CNTNAP4: variants seen among roughly 807,000 people sequenced by gnomAD.
The protein encoded by CNTNAP4 is contactin associated protein family member 4, also known as contactin-associated protein-like 4.
CNTNAP4 carries 98 observed loss-of-function variants against 148.4 expected under a neutral mutation model. The ratio of observed to expected loss-of-function variants is 0.66; its 90% CI spans 0.56 to 0.78. The LOEUF is 0.78. Among genes scored for constraint, CNTNAP4 ranks in the 30% least tolerant of loss-of-function variants. CNTNAP4 has a pLI of 0.00. For synonymous variants in CNTNAP4, 730 were observed against 565.1 expected (o/e 1.29, Z -4.14); for missense variants, 1,935 against 1,565.6 (o/e 1.24, Z -3.98).
intron 21 of CNTNAP4, among the ~76,000 whole-genome samples, chr16:76,553,001 C>T (rs1156868647): frequency 3.3e-5 from 5 of 152,172 alleles, no homozygotes; most frequent in African/African-American, 1.2e-4. Flanking sequence ...TCATGACACC[C>T]TCATCACTTC....
intron 21 of CNTNAP4, among the ~76,000 whole-genome samples, chr16:76,542,098 C>G (rs1236606207): frequency 2.6e-5 from 4 of 152,170 alleles, no homozygotes; most frequent in African/African-American, 9.7e-5. Flanking sequence ...CGTGTGCACT[C>G]TTAAGTCTGT....
At chr16:76,290,402 CTTCCTCTTTT>C (rs993054528) in intron 1 of CNTNAP4, among the ~76,000 whole-genome samples, 5 of 152,102 alleles carry the variant, frequency 3.3e-5, no homozygotes, top group Non-Finnish European at 7.3e-5. Flanking sequence ...ATGCTCATTC[CTTCCTCTTTT>C]TTCCAAGGAT....
At chr16:76,524,382 C>A (rs1194182644) in intron 17 of CNTNAP4, among the ~76,000 whole-genome samples, 1 of 152,130 alleles carries the variant, frequency 6.6e-6, no homozygotes, top group African/African-American at 2.4e-5. Flanking sequence ...AAAGGTATGG[C>A]AATTTAAAAT....
At chr16:76,403,572 A>G (rs1290000215) in intron 3 of CNTNAP4, among the ~76,000 whole-genome samples, 1 of 152,222 alleles carries the variant, frequency 6.6e-6, no homozygotes, top group African/African-American at 2.4e-5. Context: ...TTGCAGAGAA[A>G]AGGGAACACT....
At chr16:76,535,271 A>G (rs191459754) in intron 17 of CNTNAP4, among the ~76,000 whole-genome samples, 40 of 152,354 alleles carry the variant, frequency 2.6e-4, no homozygotes, top group African/African-American at 5.3e-4. Flanking sequence ...GTTATTTTCA[A>G]TGAGAGTAGT....
At position 76,395,927 on chromosome 16, in the gene CNTNAP4, C is replaced by G. The variant is rs965375131; in HGVS notation, c.391-31525C>G. Among the ~76,000 whole-genome samples, 3 of 151,952 alleles carry G rather than the reference C, an allele frequency of 2.0e-5. No homozygotes were observed. In the East Asian group the frequency reaches 5.8e-4, roughly 30 times the overall value. ...TATTTTTAGTAGAGATGGGGTTTCA[C>G]CATGTTTGGCAGGCTGGTCTCAAAC... On this transcript the variant is annotated intron_variant, in intron 3 of 23. Transcript: ENST00000611870.
rs181897437 is a variant in CNTNAP4 at position 76,449,040 on chromosome 16, C to T, written c.927+89C>T. The stretch of plus-strand genomic sequence containing the variant: ...GGAAAATACACTATAAAGAGCCCAC[C>T]TTTTCAGTAAATCATAGAACAGGTG... On this transcript the variant is annotated intron_variant, in intron 6 of 23. Coordinates refer to ENST00000611870, the MANE Select transcript of CNTNAP4 (RefSeq NM_033401.5). 1,605 of 1,218,794 alleles carry T rather than the reference C, an allele frequency of 1.3e-3. 36 individuals carry two copies. The Admixed American group carries it at 0.028, about 21-fold the overall frequency. 75.5% of individuals were successfully genotyped at this position (1,218,794 alleles called of 1,614,324 possible). A position where few individuals can be genotyped will look rare whatever the true frequency, so the allele number is the denominator to read the frequency against.
At chr16:76,499,035 A>C (rs1021651509) in intron 15 of CNTNAP4, among the ~76,000 whole-genome samples, 1 of 151,290 alleles carries the variant, frequency 6.6e-6, no homozygotes, top group Non-Finnish European at 1.5e-5. Context: ...AAATGGTAAA[A>C]ATTTCAAATT....
Position 76,413,023 on chromosome 16 carries a change from G to A in CNTNAP4, c.391-14429G>A, listed in dbSNP as rs138661389. 3.5e-3 allele frequency among the ~76,000 whole-genome samples: 537 copies of A among 151,442 alleles called. 1 individual carries two copies. Among genetic ancestry groups the A allele is most frequent in the Middle Eastern group, 0.02 (6 of 294 alleles). ...TTAATTTTTTATGGGTATGTGAAAT[G>A]TTTTGATACATGCATGCAGTGTGAA... On this transcript the variant is annotated intron_variant, in intron 3 of 23. Coordinates refer to ENST00000611870, the MANE Select transcript of CNTNAP4 (RefSeq NM_033401.5).
At position 76,504,026 on chromosome 16, in the gene CNTNAP4, A is replaced by G. The variant is rs573326878; in HGVS notation, c.2365+5332A>G. Among the ~76,000 whole-genome samples the G allele has an allele frequency of 4.3e-3, 655 of 152,220 alleles. 3 individuals carry two copies. Among genetic ancestry groups the G allele is most frequent in the African/African-American group, 0.013 (526 of 41,588 alleles). On this transcript the variant is annotated intron_variant, in intron 15 of 23. Transcript: ENST00000611870. The stretch of plus-strand genomic sequence containing the variant: ...ATGTCAATTTTTCCCAAATTTATAT[A>G]TAGACTGAAAACTATCCCAATTAAA...
chr16:76,432,039 T>G (rs1345036107), intron 4 of CNTNAP4, among the ~76,000 whole-genome samples: 1 of 152,200 alleles, frequency 6.6e-6, no homozygotes, highest in Admixed American at 6.5e-5. Flanking sequence ...TCATAAAGTA[T>G]TCTACTTATT....
Position 76,492,244 on chromosome 16 carries a change from C to T in CNTNAP4, c.2080+2361C>T, listed in dbSNP as rs185798903. Among the ~76,000 whole-genome samples the T allele has an allele frequency of 2.0e-5, 3 of 152,082 alleles. No homozygotes were observed. In the East Asian group the frequency reaches 5.8e-4, roughly 29 times the overall value. On this transcript the variant is annotated intron_variant, in intron 13 of 23. Coordinates refer to ENST00000611870, the MANE Select transcript of CNTNAP4 (RefSeq NM_033401.5). ...TATACTTGAAATCTGCTAAGAGAGT[C>T]GATTTTGGTATTCTCACCATAAAAA...
intron 2 of CNTNAP4, among the ~76,000 whole-genome samples, chr16:76,317,072 C>T (rs546365064): frequency 2.6e-5 from 4 of 151,400 alleles, no homozygotes; most frequent in South Asian, 4.2e-4. Context: ...TCAAGACCAG[C>T]CTGGGCAACA....
At position 76,296,298 on chromosome 16, in the gene CNTNAP4, CTTCCATTCAAA is replaced by C. The variant is rs1304957584; in HGVS notation, c.85+18553_85+18563del. Among the ~76,000 whole-genome samples the C allele has an allele frequency of 4.6e-5, 7 of 152,126 alleles. 1 individual carries two copies. The highest frequency in any genetic ancestry group is 1.0e-4 in the Non-Finnish European group (7 of 68,040). On this transcript the variant is annotated intron_variant, in intron 1 of 23. Coordinates refer to ENST00000611870, the MANE Select transcript of CNTNAP4 (RefSeq NM_033401.5). The stretch of plus-strand genomic sequence containing the variant: ...ACAGAGCATTATAATGTTTTCCTGC[CTTCCATTCAAA>C]TACCTACCTCCACCCCACCCATTTG...
intron 15 of CNTNAP4, among the ~76,000 whole-genome samples, chr16:76,503,618 T>C (rs1194483292): frequency 2.0e-5 from 3 of 152,170 alleles, no homozygotes; most frequent in Non-Finnish European, 4.4e-5. Flanking sequence ...CATGTTGGTG[T>C]GCTGCACCCA....
intron 1 of CNTNAP4, among the ~76,000 whole-genome samples, chr16:76,296,642 G>A (rs1288918502): frequency 1.3e-5 from 2 of 152,048 alleles, no homozygotes; most frequent in Non-Finnish European, 2.9e-5. Context: ...GAAAGAGAGA[G>A]GCAGAGAGAG....
In CNTNAP4 at chr16:76,420,696, C is replaced by T. The variant is rs138884867; in HGVS notation, c.391-6756C>T. On this transcript the variant is annotated intron_variant, in intron 3 of 23. Transcript: ENST00000611870. Reference sequence around the variant, plus strand: ...TGACCAAAAACAACAACAACAACAACAACGAAACTACCCAGCTATTGTTTC... The same window carrying T: ...TGACCAAAAACAACAACAACAACAATAACGAAACTACCCAGCTATTGTTTC... 1.8e-3 allele frequency among the ~76,000 whole-genome samples: 267 copies of T among 152,054 alleles called. 1 individual carries two copies. The highest frequency in any genetic ancestry group is 3.4e-3 in the Non-Finnish European group (233 of 67,958).
intron 8 of CNTNAP4, among the ~76,000 whole-genome samples, chr16:76,453,285 G>A (rs2143264999): frequency 6.6e-6 from 1 of 152,196 alleles, no homozygotes. Flanking sequence ...ATTTTGAGGG[G>A]ATGCAAAGAT....
intron 1 of CNTNAP4, among the ~76,000 whole-genome samples, chr16:76,307,321 A>G (rs1407978866): frequency 1.3e-5 from 2 of 151,856 alleles, no homozygotes; most frequent in East Asian, 3.9e-4. Flanking sequence ...ATATAAATAC[A>G]CAACTACTAC....
Sources: allele counts gnomAD v4.1 joint callset (sites outside exome capture counted in the v4.1 genomes callset), GRCh38; gene constraint gnomAD v4.1.1; transcripts MANE v1.5; gene names NCBI Gene and HGNC (gene_info 2026-07-23, HGNC 2026-07-21).